Variants in GLUL observed in about 807,000 individuals in gnomAD.
The protein encoded by GLUL is glutamine synthetase.
A neutral mutation model predicts 36.9 loss-of-function variants in GLUL; 8 were observed. That is an observed-to-expected ratio of 0.22 (90% CI 0.13 to 0.39). GLUL has a LOEUF of 0.39. Among genes scored for constraint, GLUL ranks in the 10% least tolerant of loss-of-function variants. GLUL has a pLI of 1.00. For missense variants in GLUL, 315 were observed against 501.8 expected (o/e 0.63, Z 3.56); for synonymous variants, 182 against 172.8 (o/e 1.05, Z -0.42).
Position 182,386,329 on chromosome 1 carries a change from C to A in GLUL, c.402G>T (p.Glu134Asp). ...CTGTCCCCATGAGGGTATACTCCTGCTCCATGCCAAACCAGGGGTGCTGGT... is the reference window on the plus strand; with the variant it reads ...CTGTCCCCATGAGGGTATACTCCTGATCCATGCCAAACCAGGGGTGCTGGT... ...VSNQHPWFGMEQEYTLMGTDG... is the reference protein window; with the variant it reads ...VSNQHPWFGMDQEYTLMGTDG... Residue 134 changes from glutamate to aspartate, a missense_variant, in exon 4 of 7, where the codon GAG becomes GAT. By Grantham distance (45) the Glu-to-Asp change is conservative. This residue lies in a region of GLUL where 256 missense variants were observed against 396.1 expected (regional missense o/e 0.65). Coordinates refer to ENST00000331872, the MANE Select transcript of GLUL (RefSeq NM_001033044.4). The A allele has an allele frequency of 2.5e-6, 4 of 1,612,604 alleles. No individual in the cohort carries two copies. The highest frequency in any genetic ancestry group is 3.4e-6 in the Non-Finnish European group (4 of 1,178,572).
In GLUL at chr1:182,384,338, G is replaced by A; in HGVS notation, c.*67C>T. 9.3e-7 allele frequency: 1 copy of A among 1,078,332 alleles called. No homozygotes were observed. Among genetic ancestry groups the A allele is most frequent in the Non-Finnish European group, 1.4e-6 (1 of 702,474 alleles). The allele number at this position is 1,078,332 out of a possible 1,614,324, so 66.8% of individuals were successfully genotyped here. A position where few individuals can be genotyped will look rare whatever the true frequency, so the allele number is the denominator to read the frequency against. On this transcript the variant is annotated 3_prime_UTR_variant, in exon 7 of 7. Transcript: ENST00000331872. ...TTTGAGTTACAATCGGGACAACTGG[G>A]AGAGGGGGAAGAGTTGGAGTGGGAT...
In GLUL at chr1:182,385,899, T is replaced by C; in HGVS notation, c.476-12A>G. On this transcript the variant is annotated splice_polypyrimidine_tract_variant and intron_variant, in intron 4 of 6. Transcript: ENST00000331872. ...ACAGTAATATGGACCTACAGAAGCA[T>C]CAGGACAAAACACTAAGAGTCAAGA... 2 of 1,613,408 alleles carry C rather than the reference T, an allele frequency of 1.2e-6. No homozygotes were observed. The highest frequency in any genetic ancestry group is 1.7e-6 in the Non-Finnish European group (2 of 1,179,376).
Position 182,387,181 on chromosome 1 carries a change from G to C in GLUL, c.278C>G (p.Pro93Arg). 1 of 1,613,806 alleles carries C rather than the reference G, an allele frequency of 6.2e-7. No homozygotes were observed. The highest frequency in any genetic ancestry group is 2.2e-5 in the East Asian group (1 of 44,884). The change falls in exon 3 of 7, where the codon CCT (proline) becomes CGT (arginine). Residue 93 changes from proline to arginine, a missense_variant. Coordinates refer to ENST00000331872, the MANE Select transcript of GLUL (RefSeq NM_001033044.4). ...AMFRDPFRKD[P>R]NKLVLCEVFK... ...AACTTCACATAACACCAGCTTGTTA[G>C]GGTCCTTACGGAAGGGGTCCCGAAA...
intron 2 of GLUL, among the ~76,000 whole-genome samples, chr1:182,388,199 A>T (rs1650261018): frequency 6.6e-6 from 1 of 152,198 alleles, no homozygotes; most frequent in African/African-American, 2.4e-5. Context: ...CAGTTTTCTA[A>T]GAGTTTGTAA....
Position 182,382,578 on chromosome 1 carries a change from AAAACAATGTTATGGTAAG to A in GLUL, c.*1809_*1826del, listed in dbSNP as rs1351435034. On this transcript the variant is annotated 3_prime_UTR_variant, in exon 7 of 7. Coordinates refer to ENST00000331872, the MANE Select transcript of GLUL (RefSeq NM_001033044.4). ...CTATTGTATTAGGCTAGGAATGGTC[AAAACAATGTTATGGTAAG>A]CCAAAACCAAACTCAGGGGAGCAAA... The A allele has an allele frequency of 3.3e-5, 5 of 152,338 alleles. No homozygotes were observed. Among genetic ancestry groups the A allele is most frequent in the African/African-American group, 9.6e-5 (4 of 41,452 alleles). 9.4% of individuals were successfully genotyped at this position (152,338 alleles called of 1,614,324 possible). A position where few individuals can be genotyped will look rare whatever the true frequency, so the allele number is the denominator to read the frequency against.
intron 6 of GLUL, 196 bp from the exon 7 acceptor site, chr1:182,384,919 C>G (rs1650106683): frequency 4.9e-6 from 3 of 616,492 alleles, no homozygotes; most frequent in Non-Finnish European, 8.7e-6. Context: ...AAAGACTAAT[C>G]ATTTGAAACT....
chr1:182,384,395 T>C lies in GLUL; in HGVS notation c.*10A>G, dbSNP rs1247323026. On this transcript the variant is annotated 3_prime_UTR_variant, in exon 7 of 7. Coordinates refer to ENST00000331872, the MANE Select transcript of GLUL (RefSeq NM_001033044.4). ...CTAGGAGGGGCTCAACAGCTGGAGG[T>C]CTAGTCCACTTAATTTTTGTACTGG... The C allele has an allele frequency of 1.3e-6, 2 of 1,588,118 alleles. No homozygotes were observed. Among genetic ancestry groups the C allele is most frequent in the South Asian group, 1.1e-5 (1 of 90,308 alleles).
rs760429375 is a variant in GLUL at position 182,384,560 on chromosome 1, T to C, written c.967A>G (p.Ile323Val). 7.4e-6 allele frequency: 12 copies of C among 1,614,224 alleles called. No individual in the cohort carries two copies. The highest frequency in any genetic ancestry group is 1.0e-5 in the Non-Finnish European group (12 of 1,180,042). The part of the protein sequence containing the change: ...SAGVANRSAS[I>V]RIPRTVGQEK... Reference sequence around the variant, plus strand: ...TGGCCAACAGTCCGGGGAATGCGTATGCTGGCGCTACGATTGGCTACACCA... The same window carrying C: ...TGGCCAACAGTCCGGGGAATGCGTACGCTGGCGCTACGATTGGCTACACCA... The change falls in exon 7 of 7, where the codon ATA becomes GTA. Residue 323 changes from isoleucine (I) to valine (V), a missense_variant. Ile to Val is a conservative substitution (Grantham distance 29). Coordinates refer to ENST00000331872, the MANE Select transcript of GLUL (RefSeq NM_001033044.4).
In GLUL at chr1:182,380,334, G is replaced by T. The variant is rs2333151; in HGVS notation, c.*4071C>A. Reference sequence around the variant, plus strand: ...GTTTGTTTTGTTTTGTTTAGGCAAGGTCTTGATCTGTCACCCAGGCTGGAG... The same window carrying T: ...GTTTGTTTTGTTTTGTTTAGGCAAGTTCTTGATCTGTCACCCAGGCTGGAG... On this transcript the variant is annotated 3_prime_UTR_variant, in exon 7 of 7. Transcript: ENST00000331872. Among the ~76,000 whole-genome samples the T allele has an allele frequency of 0.28, 43,026 of 152,076 alleles. 6,347 individuals carry two copies. The highest frequency in any genetic ancestry group is 0.44 in the East Asian group (2,251 of 5,164).
chr1:182,386,693 C>T, intron 3 of GLUL: 1 of 501,614 alleles, frequency 2.0e-6, no homozygotes, highest in South Asian at 2.1e-5. Context: ...TATCTGCATT[C>T]TGGCCACCTC....
chr1:182,389,399 C>T (rs1172503288), intron 1 of GLUL: 1 of 97,900 alleles, frequency 1.0e-5, no homozygotes, highest in Non-Finnish European at 2.0e-5. Context: ...AACAAGGTTA[C>T]AATATATTTT....
chr1:182,379,148 A>T lies in GLUL; in HGVS notation c.*5257T>A, dbSNP rs917693618. Reference sequence around the variant, plus strand: ...AAAGGCTATAAAATGGCAGGGTTCTAATCAGCTCAGATTGTTTTCAGTAGA... The same window carrying T: ...AAAGGCTATAAAATGGCAGGGTTCTTATCAGCTCAGATTGTTTTCAGTAGA... On this transcript the variant is annotated 3_prime_UTR_variant, in exon 7 of 7. Coordinates refer to ENST00000331872, the MANE Select transcript of GLUL (RefSeq NM_001033044.4). Among the ~76,000 whole-genome samples the T allele has an allele frequency of 6.6e-6, 1 of 152,138 alleles. No homozygotes were observed. The highest frequency in any genetic ancestry group is 2.4e-5 in the African/African-American group (1 of 41,430).
At position 182,387,241 on chromosome 1, in the gene GLUL, G is replaced by T; in HGVS notation, c.218C>A (p.Ser73Tyr). The T allele has an allele frequency of 6.2e-7, 1 of 1,612,844 alleles. No homozygotes were observed. The highest frequency in any genetic ancestry group is 8.5e-7 in the Non-Finnish European group (1 of 1,178,892). The change falls in exon 3 of 7, where the codon TCC becomes TAC. Residue 73 changes from serine to tyrosine, a missense_variant. By Grantham distance (144) the Ser-to-Tyr change is moderately radical. This residue lies in a region of GLUL where 256 missense variants were observed against 396.1 expected (regional missense o/e 0.65). Transcript: ENST00000331872. ...AGGCACGAGATACATGTCACTGTTGGAACCCTCAGACTGTAAAGTACTAGA... is the reference window on the plus strand; with the variant it reads ...AGGCACGAGATACATGTCACTGTTGTAACCCTCAGACTGTAAAGTACTAGA... ...DGSSTLQSEG[S>Y]NSDMYLVPAA...
rs1649841482 is a variant in GLUL at position 182,379,257 on chromosome 1, C to G, written c.*5148G>C. Among the ~76,000 whole-genome samples the G allele has an allele frequency of 6.6e-6, 1 of 152,106 alleles. No homozygotes were observed. On this transcript the variant is annotated 3_prime_UTR_variant, in exon 7 of 7. Coordinates refer to ENST00000331872, the MANE Select transcript of GLUL (RefSeq NM_001033044.4). ...TGTTTATTTTTTGATATGTCTCACT[C>G]TTTTGCCCAGGCTGGAGTGAAGTGG... is the stretch of plus-strand genomic sequence containing the variant.
At chr1:182,390,780 C>CT in intron 1 of GLUL, 3 of 399,194 alleles carry the variant, frequency 7.5e-6, no homozygotes, top group Non-Finnish European at 1.3e-5. Context: ...CCGGAGGAGT[C>CT]TGACTTCTCG....
At chr1:182,390,844 G>A in intron 1 of GLUL, 1 of 399,224 alleles carries the variant, frequency 2.5e-6, no homozygotes, top group East Asian at 3.6e-5. Context: ...GGCTGGGGGA[G>A]GATCCCCGCT....
rs914825978 is a variant in GLUL at position 182,380,887 on chromosome 1, G to C, written c.*3518C>G. Among the ~76,000 whole-genome samples the C allele has an allele frequency of 6.6e-6, 1 of 152,236 alleles. No homozygotes were observed. Among genetic ancestry groups the C allele is most frequent in the African/African-American group, 2.4e-5 (1 of 41,454 alleles). On this transcript the variant is annotated 3_prime_UTR_variant, in exon 7 of 7. Coordinates refer to ENST00000331872, the MANE Select transcript of GLUL (RefSeq NM_001033044.4). ...TTTCACTTAGTGGTAAAAGGGCCAA[G>C]AATAGTTCAGGAACTTCTCATCCAC... is the stretch of plus-strand genomic sequence containing the variant.
chr1:182,388,264 A>G (rs1200894065), intron 2 of GLUL, among the ~76,000 whole-genome samples: 1 of 152,190 alleles, frequency 6.6e-6, no homozygotes, highest in Non-Finnish European at 1.5e-5. Context: ...CCTTAGAGCC[A>G]GCTAAGTGGG....
rs1649828955 is a variant in GLUL, at chr1:182,378,989, C to G, written c.*5416G>C. Reference sequence around the variant, plus strand: ...TAGAGATGGGGTTTCACCATGGTGGCCAGGCTGGTCTCAAACTCCTGACCT... The same window carrying G: ...TAGAGATGGGGTTTCACCATGGTGGGCAGGCTGGTCTCAAACTCCTGACCT... On this transcript the variant is annotated 3_prime_UTR_variant, in exon 7 of 7. Transcript: ENST00000331872. Among the ~76,000 whole-genome samples, 1 of 152,090 alleles carries G rather than the reference C, an allele frequency of 6.6e-6. No individual in the cohort carries two copies. Among genetic ancestry groups the G allele is most frequent in the African/African-American group, 2.4e-5 (1 of 41,410 alleles).
Sources: gnomAD v4.1 joint callset for allele counts (sites outside exome capture counted in the v4.1 genomes callset) on GRCh38, gnomAD v4.1.1 for gene constraint, gnomAD v4.1.1 regional missense constraint, MANE v1.5 for transcripts, NCBI Gene and HGNC (gene_info 2026-07-23, HGNC 2026-07-21) for gene names.